Variants in HMCN1 observed in about 807,000 individuals in gnomAD.
The protein encoded by HMCN1 is hemicentin-1.
Under a neutral mutation model 625.9 loss-of-function variants are expected in HMCN1, and 321 were observed. The ratio of observed to expected loss-of-function variants is 0.51; its 90% CI spans 0.47 to 0.56. The LOEUF (loss-of-function observed/expected upper bound fraction) is 0.56, where lower values mean the gene tolerates loss of function less well. Ranked by LOEUF, HMCN1 falls within the 20% of genes least tolerant of loss-of-function variation. The probability of loss-of-function intolerance (pLI) is 0.00; values close to 1 mark genes in which losing one functional copy is unlikely to be tolerated. For synonymous variants in HMCN1, 2,425 were observed against 2,417.6 expected (o/e 1.00, Z -0.09); for missense variants, 6,588 against 6,887.3 (o/e 0.96, Z 1.54).
intron 36 of HMCN1, among the ~76,000 whole-genome samples, chr1:186,028,785 C>T (rs1655227656): frequency 6.8e-6 from 1 of 146,310 alleles, no homozygotes; most frequent in African/African-American, 2.6e-5. Flanking sequence ...AGTACAATGG[C>T]GCGATCTTGG....
intron 85 of HMCN1, 32 bp downstream of exon 85, chr1:186,130,729 TA>T (rs775513090): frequency 6.3e-7 from 1 of 1,593,368 alleles, no homozygotes; most frequent in East Asian, 2.2e-5. Context: ...GATGCACCTT[TA>T]AACCCCCACA....
At chr1:185,856,075 C>T (rs1055425171) in intron 2 of HMCN1, among the ~76,000 whole-genome samples, 8 of 152,080 alleles carry the variant, frequency 5.3e-5, no homozygotes, top group Admixed American at 1.3e-4. Flanking sequence ...ATATTTGCTT[C>T]GATGCAACTT....
intron 1 of HMCN1, among the ~76,000 whole-genome samples, chr1:185,783,850 G>A (rs900998513): frequency 6.6e-6 from 1 of 152,210 alleles, no homozygotes; most frequent in Non-Finnish European, 1.5e-5. Flanking sequence ...CATGCTGGGA[G>A]AACCACTGTA....
chr1:186,113,953 T>G (rs370086511), intron 72 of HMCN1, 26 bp from the exon 73 acceptor site: 17 of 1,609,848 alleles, frequency 1.1e-5, no homozygotes, highest in Non-Finnish European at 1.4e-5. Context: ...TCTCACTGAA[T>G]TTTTTCATGT....
At chr1:186,063,082 A>AGGG (rs1657846298) in intron 48 of HMCN1, among the ~76,000 whole-genome samples, 1 of 120,212 alleles carries the variant, frequency 8.3e-6, no homozygotes, top group Non-Finnish European at 1.6e-5. Flanking sequence ...ATATATATAT[A>AGGG]TATATATATA....
intron 1 of HMCN1, among the ~76,000 whole-genome samples, chr1:185,838,015 C>A (rs556652953): frequency 1.3e-5 from 2 of 152,168 alleles, no homozygotes; most frequent in Admixed American, 6.5e-5. Flanking sequence ...AAGAGAAGAT[C>A]CTCCAGGCAT....
chr1:186,171,270 G>A (rs1652214766), intron 100 of HMCN1, 67 bp from the exon 101 acceptor site: 2 of 1,119,526 alleles, frequency 1.8e-6, no homozygotes. Context: ...TCATTAAAAT[G>A]TTAAACATTT....
chr1:185,859,830 A>AT (rs920445734), intron 2 of HMCN1, among the ~76,000 whole-genome samples: 12 of 149,688 alleles, frequency 8.0e-5, no homozygotes, highest in East Asian at 3.9e-4. Flanking sequence ...TGCCTGGCTA[A>AT]TTTTTTTTTT....
At chr1:186,023,294 T>C in intron 36 of HMCN1, 141 bp downstream of exon 36, 1 of 721,456 alleles carries the variant, frequency 1.4e-6, no homozygotes, top group Non-Finnish European at 2.2e-6. Flanking sequence ...TAGGGTTTTT[T>C]TTTTTTTTTT....
At chr1:185,828,920 G>A (rs1335001133) in intron 1 of HMCN1, among the ~76,000 whole-genome samples, 1 of 151,900 alleles carries the variant, frequency 6.6e-6, no homozygotes, top group Non-Finnish European at 1.5e-5. Flanking sequence ...GAAGTAAGAA[G>A]AAAACAACAA....
At chr1:185,807,879 G>C (rs73070598) in intron 1 of HMCN1, among the ~76,000 whole-genome samples, 13,834 of 152,108 alleles carry the variant, frequency 0.091, 2,030 homozygotes, top group African/African-American at 0.31. Context: ...CTACTATGTT[G>C]AGAAAACAAG....
chr1:185,864,986 T>TA (rs1168089578), intron 3 of HMCN1, among the ~76,000 whole-genome samples: 1 of 152,258 alleles, frequency 6.6e-6, no homozygotes, highest in African/African-American at 2.4e-5. Context: ...TTACTCATTG[T>TA]ATCAGCTATT....
chr1:185,757,683 T>C (rs1178514797), intron 1 of HMCN1, among the ~76,000 whole-genome samples: 1 of 152,154 alleles, frequency 6.6e-6, no homozygotes, highest in Non-Finnish European at 1.5e-5. Flanking sequence ...GAGTACAAGT[T>C]TCATCTATCT....
At chr1:186,150,386 A>G (rs1650592017) in intron 93 of HMCN1, among the ~76,000 whole-genome samples, 1 of 152,216 alleles carries the variant, frequency 6.6e-6, no homozygotes, top group South Asian at 2.1e-4. Context: ...ATTTTGTTGA[A>G]CAATAGAAAG....
intron 89 of HMCN1, among the ~76,000 whole-genome samples, chr1:186,138,619 C>G (rs957556328): frequency 6.6e-6 from 1 of 152,176 alleles, no homozygotes; most frequent in African/African-American, 2.4e-5. Flanking sequence ...TAAACTCTTT[C>G]CATGTGGTGG....
intron 35 of HMCN1, among the ~76,000 whole-genome samples, chr1:186,020,563 A>G (rs1198761791): frequency 3.3e-5 from 5 of 152,074 alleles, no homozygotes; most frequent in Admixed American, 6.6e-5. Context: ...ACAGATATTT[A>G]TTATATTATC....
intron 4 of HMCN1, among the ~76,000 whole-genome samples, chr1:185,892,306 C>T (rs1571514150): frequency 6.6e-6 from 1 of 151,980 alleles, no homozygotes; most frequent in Non-Finnish European, 1.5e-5. Context: ...CTTCTTCTCT[C>T]AGCTCATCAA....
chr1:186,043,278 AG>A, intron 40 of HMCN1, among the ~76,000 whole-genome samples: 1 of 152,280 alleles, frequency 6.6e-6, no homozygotes, highest in South Asian at 2.1e-4. Flanking sequence ...GAGGATCTAA[AG>A]GGTAGAACTC....
intron 86 of HMCN1, among the ~76,000 whole-genome samples, chr1:186,135,193 C>T (rs1274020886): frequency 1.3e-5 from 2 of 152,174 alleles, no homozygotes; most frequent in Non-Finnish European, 2.9e-5. Flanking sequence ...CAGTTGCATG[C>T]AGTTCCTTTT....
Sources: allele counts gnomAD v4.1 joint callset (sites outside exome capture counted in the v4.1 genomes callset), GRCh38; gene constraint gnomAD v4.1.1; transcripts MANE v1.5; gene names NCBI Gene and HGNC (gene_info 2026-07-23, HGNC 2026-07-21).